CACNB4: variants seen among roughly 807,000 people sequenced by gnomAD.
CACNB4 encodes calcium voltage-gated channel auxiliary subunit beta 4, also known as voltage-dependent L-type calcium channel subunit beta-4.
In CACNB4, 32 loss-of-function variants were observed where a neutral mutation model predicts 71.2. The observed-to-expected ratio is 0.45, with a 90% CI of 0.34 to 0.60. The LOEUF (loss-of-function observed/expected upper bound fraction) is 0.60. Among genes scored for constraint, CACNB4 ranks in the 20% least tolerant of loss-of-function variants. CACNB4 has a pLI of 0.01. For missense variants in CACNB4, 464 were observed against 647.9 expected, an observed-to-expected ratio of 0.72 and a Z score of 3.08; for synonymous variants, 231 against 236.9, an observed-to-expected ratio of 0.97 and a Z score of 0.23.
chr2:151,868,413 T>C (rs537128985), intron 9 of CACNB4: 44 of 152,208 alleles, frequency 2.9e-4, no homozygotes, highest in African/African-American at 9.9e-4. Flanking sequence ...TATTTTTACA[T>C]GGACTGCATT....
intron 2 of CACNB4, among the ~76,000 whole-genome samples, chr2:152,012,382 G>C (rs1346701202): frequency 1.3e-5 from 2 of 152,096 alleles, no homozygotes; most frequent in Admixed American, 1.3e-4. Flanking sequence ...GGCAGGTGGA[G>C]CGCCTGAAGT....
At chr2:151,845,331 A>G (rs183477253) in intron 12 of CACNB4, among the ~76,000 whole-genome samples, 1 of 152,288 alleles carries the variant, frequency 6.6e-6, no homozygotes, top group African/African-American at 2.4e-5. Context: ...AGAAAAGCAA[A>G]TTTCTGCTTC....
At chr2:151,871,064 C>T in intron 6 of CACNB4, 1 of 593,612 alleles carries the variant, frequency 1.7e-6, no homozygotes, top group Middle Eastern at 4.6e-4. Context: ...ACAGCTTCCT[C>T]CCTGGTACAA....
chr2:151,868,677 C>T (rs186143140), intron 9 of CACNB4: 1 of 151,848 alleles, frequency 6.6e-6, no homozygotes, highest in Admixed American at 6.6e-5. Flanking sequence ...GTACTATTCC[C>T]TACAAAATGA....
chr2:152,043,989 T>C (rs925873872), intron 2 of CACNB4, among the ~76,000 whole-genome samples: 1 of 152,136 alleles, frequency 6.6e-6, no homozygotes, highest in Non-Finnish European at 1.5e-5. Flanking sequence ...GAGGATCACT[T>C]GGGGCAAGGA....
chr2:151,909,873 T>A (rs562970958), intron 2 of CACNB4, among the ~76,000 whole-genome samples: 1 of 152,324 alleles, frequency 6.6e-6, no homozygotes, highest in East Asian at 1.9e-4. Flanking sequence ...AACATACATG[T>A]GCATGTGTCT....
At chr2:151,867,976 G>T (rs2099843622) in intron 9 of CACNB4, 1 of 152,172 alleles carries the variant, frequency 6.6e-6, no homozygotes, top group Non-Finnish European at 1.5e-5. Flanking sequence ...TATTAAGGCA[G>T]CCTGACCTAT....
At position 151,870,549 on chromosome 2, in the gene CACNB4, C is replaced by A; in HGVS notation, c.681G>T (p.Pro227=). 2 of 1,613,444 alleles carry A rather than the reference C, an allele frequency of 1.2e-6. No individual in the cohort carries two copies. Among genetic ancestry groups the A allele is most frequent in the Non-Finnish European group, 1.7e-6 (2 of 1,179,464 alleles). ...TTTGTACCTCGTAACCTTTCAGTGA[C>A]GGCCCCACTAACACCACCGGACGCA... ...PSMRPVVLVG[P]SLKGYEVTDM... The change falls in exon 8 of 14, where the codon CCG becomes CCT. Residue 227 remains proline (P), a synonymous_variant. Coordinates refer to ENST00000539935, the MANE Select transcript of CACNB4 (RefSeq NM_000726.5).
intron 2 of CACNB4, among the ~76,000 whole-genome samples, chr2:151,903,209 A>G (rs116381896): frequency 6.4e-4 from 97 of 152,292 alleles, no homozygotes; most frequent in African/African-American, 2.2e-3. Flanking sequence ...GAACAAAAAT[A>G]AGAAAATATT....
intron 2 of CACNB4, among the ~76,000 whole-genome samples, chr2:151,978,338 G>A (rs1268989445): frequency 6.6e-6 from 1 of 152,116 alleles, no homozygotes; most frequent in Non-Finnish European, 1.5e-5. Flanking sequence ...TTTTTTAAGG[G>A]AAGAAGTATG....
intron 2 of CACNB4, among the ~76,000 whole-genome samples, chr2:151,959,047 G>A (rs977936421): frequency 7.2e-5 from 11 of 152,182 alleles, no homozygotes; most frequent in African/African-American, 2.2e-4. Context: ...TAAGGACCTC[G>A]AGGAAGGCCC....
At chr2:151,925,338 G>A (rs370624176) in intron 2 of CACNB4, among the ~76,000 whole-genome samples, 35 of 152,244 alleles carry the variant, frequency 2.3e-4, no homozygotes, top group Non-Finnish European at 3.7e-4. Flanking sequence ...GAGGATGTAC[G>A]TCCCAATTTC....
At position 151,897,273 on chromosome 2, in the gene CACNB4, C is replaced by T. The variant is rs1274137986; in HGVS notation, c.148-13903G>A. 2.6e-5 allele frequency among the ~76,000 whole-genome samples: 4 copies of T among 152,184 alleles called. No individual in the cohort carries two copies. In the East Asian group the frequency reaches 7.7e-4, roughly 29 times the overall value. The stretch of plus-strand genomic sequence containing the variant: ...CTCTTGGATGATCTCTAAGATTCCT[C>T]TGAGGTCTGTTGTTAAAGATGTCAG... On this transcript the variant is annotated intron_variant, in intron 2 of 13. Transcript: ENST00000539935.
chr2:152,013,274 CAT>C (rs1461190768), intron 2 of CACNB4, among the ~76,000 whole-genome samples: 2 of 152,136 alleles, frequency 1.3e-5, no homozygotes, highest in African/African-American at 4.8e-5. Flanking sequence ...AGTTTTATCA[CAT>C]AACTCATTTG....
At chr2:151,869,328 T>G in intron 8 of CACNB4, 93 bp from the exon 9 acceptor site, 1 of 752,050 alleles carries the variant, frequency 1.3e-6, no homozygotes, top group East Asian at 2.7e-5. Flanking sequence ...AAGGGTACTA[T>G]GAGCCAAGAC....
At chr2:152,068,651 C>G (rs897287283) in intron 2 of CACNB4, among the ~76,000 whole-genome samples, 1 of 152,106 alleles carries the variant, frequency 6.6e-6, no homozygotes, top group Non-Finnish European at 1.5e-5. Context: ...CTCCAAGAAG[C>G]CTGGATAGGA....
chr2:152,094,072 A>G (rs1688131330), intron 2 of CACNB4, among the ~76,000 whole-genome samples: 1 of 152,270 alleles, frequency 6.6e-6, no homozygotes. Context: ...TGTGGAACTC[A>G]TACGGATGGG....
intron 2 of CACNB4, among the ~76,000 whole-genome samples, chr2:152,045,726 G>T (rs1420930678): frequency 1.3e-5 from 2 of 152,060 alleles, no homozygotes; most frequent in African/African-American, 4.8e-5. Flanking sequence ...GCACAGACTG[G>T]AATTCCCAGT....
chr2:152,071,123 G>T (rs536667247), intron 2 of CACNB4, among the ~76,000 whole-genome samples: 2 of 152,314 alleles, frequency 1.3e-5, no homozygotes, highest in East Asian at 3.9e-4. Flanking sequence ...GATGCTGGAT[G>T]AAGAAACAAG....
Sources: gnomAD v4.1 joint callset for allele counts (sites outside exome capture counted in the v4.1 genomes callset) on GRCh38, gnomAD v4.1.1 for gene constraint, MANE v1.5 for transcripts, NCBI Gene and HGNC (gene_info 2026-07-23, HGNC 2026-07-21) for gene names.